Variants in PRUNE2 observed in about 807,000 individuals in gnomAD.
The protein encoded by PRUNE2 is prune homolog 2 with BCH domain, also known as protein prune homolog 2.
Under a neutral mutation model 252.0 loss-of-function variants are expected in PRUNE2, and 164 were observed. The ratio of observed to expected loss-of-function variants is 0.65; its 90% CI spans 0.57 to 0.74. The LOEUF is 0.74. PRUNE2 is among the 30% of genes least tolerant of loss of function. The pLI is 0.00. For missense variants in PRUNE2, 3,495 were observed against 3,711.0 expected, an observed-to-expected ratio of 0.94 and a Z score of 1.51; for synonymous variants, 1,292 against 1,350.2, an observed-to-expected ratio of 0.96 and a Z score of 0.94.
At chr9:76,652,286 G>A (rs933776710) in intron 11 of PRUNE2, 197 bp downstream of exon 11, 1 of 565,448 alleles carries the variant, frequency 1.8e-6, no homozygotes, top group Non-Finnish European at 3.2e-6. Flanking sequence ...AAGAGCAATG[G>A]TTATGTATGG....
At chr9:76,748,158 G>T (rs1160746954) in intron 6 of PRUNE2, among the ~76,000 whole-genome samples, 1 of 152,180 alleles carries the variant, frequency 6.6e-6, no homozygotes, top group Non-Finnish European at 1.5e-5. Flanking sequence ...AAGAAGGCCT[G>T]CTTTCCCTAA....
chr9:76,795,905 T>C (rs1336277218), intron 6 of PRUNE2, among the ~76,000 whole-genome samples: 1 of 152,126 alleles, frequency 6.6e-6, no homozygotes, highest in Non-Finnish European at 1.5e-5. Flanking sequence ...ATTGAGAAAA[T>C]TTCTGAGAGA....
At chr9:76,647,539 T>G (rs1344388668) in intron 11 of PRUNE2, among the ~76,000 whole-genome samples, 1 of 152,108 alleles carries the variant, frequency 6.6e-6, no homozygotes, top group Non-Finnish European at 1.5e-5. Flanking sequence ...TTCATTGAAA[T>G]TAAAACTACT....
intron 6 of PRUNE2, chr9:76,788,467 T>G (rs1478761468): frequency 2.7e-6 from 2 of 737,310 alleles, no homozygotes; most frequent in South Asian, 2.9e-5. Flanking sequence ...GGAGCCAGAG[T>G]TCCTGGATTG....
chr9:76,615,199 C>A, intron 18 of PRUNE2: 1 of 985,328 alleles, frequency 1.0e-6, no homozygotes, highest in Non-Finnish European at 1.2e-6. Context: ...ACTCGAATCA[C>A]GTCTCTCTTC....
At chr9:76,767,099 A>G (rs2052487892) in intron 6 of PRUNE2, among the ~76,000 whole-genome samples, 1 of 152,174 alleles carries the variant, frequency 6.6e-6, no homozygotes, top group Non-Finnish European at 1.5e-5. Context: ...TCTGTTTAAC[A>G]AATAAACTCT....
Position 76,767,538 on chromosome 9 carries a change from C to A in PRUNE2, c.757-53817G>T, listed in dbSNP as rs539094178. ...TCCTTGCCCTTGACTCCATTGATCA[C>A]CTCTTTAAAAAGAAAAAGAACTATT... On this transcript the variant is annotated intron_variant, in intron 6 of 18. Coordinates refer to ENST00000376718, the MANE Select transcript of PRUNE2 (RefSeq NM_015225.3). 4.6e-5 allele frequency among the ~76,000 whole-genome samples: 7 copies of A among 152,242 alleles called. No individual in the cohort carries two copies. In the South Asian group the frequency reaches 1.5e-3, roughly 32 times the overall value.
At chr9:76,790,193 G>A (rs538126986) in intron 6 of PRUNE2, among the ~76,000 whole-genome samples, 4 of 152,248 alleles carry the variant, frequency 2.6e-5, no homozygotes, top group East Asian at 1.9e-4. Flanking sequence ...ACTAGAAGGC[G>A]GTTTTCTAAA....
chr9:76,888,151 A>G lies in PRUNE2; in HGVS notation c.36+17777T>C, dbSNP rs150256146. Reference sequence around the variant, plus strand: ...CATGAATAATAAAGGAGGACCATAAATAACTAAGCACCACATGGAACCACG... The same window carrying G: ...CATGAATAATAAAGGAGGACCATAAGTAACTAAGCACCACATGGAACCACG... On this transcript the variant is annotated intron_variant, in intron 1 of 18. Transcript: ENST00000376718. Among the ~76,000 whole-genome samples, 368 of 152,340 alleles carry G rather than the reference A, an allele frequency of 2.4e-3. 3 individuals carry two copies. The highest frequency in any genetic ancestry group is 8.4e-3 in the African/African-American group (351 of 41,572).
At chr9:76,893,797 C>T (rs2062638892) in intron 1 of PRUNE2, among the ~76,000 whole-genome samples, 1 of 152,142 alleles carries the variant, frequency 6.6e-6, no homozygotes, top group African/African-American at 2.4e-5. Context: ...TGATCTGCAT[C>T]CACCACAGTG....
Position 76,708,008 on chromosome 9 carries a change from A to G in PRUNE2, c.4266T>C (p.Asp1422=). Residue 1422 remains aspartate (D), a synonymous_variant, in exon 8 of 19, where the codon GAT becomes GAC. Transcript: ENST00000376718. The stretch of plus-strand genomic sequence containing the variant: ...CATGGGTATCTTTTGGCTGCAGGTT[A>G]TCTGCGGACATCCCTGTTTGCACAT... The part of the protein sequence containing the change: ...SRDVQTGMSA[D]NLQPKDTHEK... 6.2e-7 allele frequency: 1 copy of G among 1,613,954 alleles called. No homozygotes were observed. The highest frequency in any genetic ancestry group is 1.1e-5 in the South Asian group (1 of 91,082).
chr9:76,799,601 A>T (rs1363998473), intron 6 of PRUNE2, among the ~76,000 whole-genome samples: 1 of 152,188 alleles, frequency 6.6e-6, no homozygotes, highest in Non-Finnish European at 1.5e-5. Flanking sequence ...TTGGGTCCAG[A>T]GAAAGAGCAT....
At chr9:76,788,231 A>G (rs577281724) in intron 6 of PRUNE2, 2 of 522,494 alleles carry the variant, frequency 3.8e-6, no homozygotes, top group Non-Finnish European at 6.7e-6. Flanking sequence ...CTGAAGACAT[A>G]AGAGTCAAAA....
chr9:76,838,428 T>C lies in PRUNE2; in HGVS notation c.508+8087A>G, dbSNP rs180910350. On this transcript the variant is annotated intron_variant, in intron 4 of 18. Transcript: ENST00000376718. Reference sequence around the variant, plus strand: ...GGGGGGCCGAGGCAGGTGGATCACTTGAGGCCAGGAGTTCAAGACCAGCCT... The same window carrying C: ...GGGGGGCCGAGGCAGGTGGATCACTCGAGGCCAGGAGTTCAAGACCAGCCT... Among the ~76,000 whole-genome samples the C allele has an allele frequency of 2.4e-3, 358 of 152,104 alleles. 3 individuals carry two copies. Among genetic ancestry groups the C allele is most frequent in the African/African-American group, 8.2e-3 (340 of 41,462 alleles).
intron 6 of PRUNE2, among the ~76,000 whole-genome samples, chr9:76,803,999 C>T (rs910371806): frequency 6.6e-6 from 1 of 152,068 alleles, no homozygotes; most frequent in East Asian, 1.9e-4. Flanking sequence ...CACATCTCTC[C>T]GCCGAGAACT....
intron 1 of PRUNE2, among the ~76,000 whole-genome samples, chr9:76,895,044 C>A (rs1302442348): frequency 6.6e-6 from 1 of 151,756 alleles, no homozygotes; most frequent in African/African-American, 2.4e-5. Context: ...AAAAAAGGGA[C>A]CTTAATGAAT....
chr9:76,783,321 G>C (rs1041878329), intron 6 of PRUNE2, among the ~76,000 whole-genome samples: 4 of 152,084 alleles, frequency 2.6e-5, no homozygotes, highest in African/African-American at 9.7e-5. Context: ...ATTTTTAGTA[G>C]AGATGGGGTT....
intron 6 of PRUNE2, among the ~76,000 whole-genome samples, chr9:76,789,950 AC>A (rs1465447081): frequency 3.8e-4 from 58 of 151,942 alleles, no homozygotes; most frequent in Non-Finnish European, 4.4e-5. Flanking sequence ...TAAATGTGCA[AC>A]CCCCTCTTTA....
At position 76,791,697 on chromosome 9, in the gene PRUNE2, A is replaced by C. The variant is rs529597635; in HGVS notation, c.756+31935T>G. 2.0e-5 allele frequency among the ~76,000 whole-genome samples: 3 copies of C among 152,340 alleles called. No homozygotes were observed. In the South Asian group the frequency reaches 6.2e-4, roughly 32 times the overall value. ...AGTTTTATCTCATCAAAGGAAGACC[A>C]CGGGGCATCCACTGATCATGGCTGA... On this transcript the variant is annotated intron_variant, in intron 6 of 18. Coordinates refer to ENST00000376718, the MANE Select transcript of PRUNE2 (RefSeq NM_015225.3).
Sources: gnomAD v4.1 joint callset for allele counts (sites outside exome capture counted in the v4.1 genomes callset) on GRCh38, gnomAD v4.1.1 for gene constraint, MANE v1.5 for transcripts, NCBI Gene and HGNC (gene_info 2026-07-23, HGNC 2026-07-21) for gene names.